SERPINB6: variants seen among roughly 807,000 people sequenced by gnomAD.
The protein encoded by SERPINB6 is serpin B6.
In SERPINB6, 16 loss-of-function variants were observed where a neutral mutation model predicts 26.1. That is an observed-to-expected ratio of 0.61 (90% CI 0.42 to 0.93). The LOEUF is 0.93. SERPINB6 is among the 40% of genes least tolerant of loss of function. The pLI is 0.00. For synonymous variants in SERPINB6, 174 were observed against 176.6 expected, an observed-to-expected ratio of 0.99 and a Z score of 0.11; for missense variants, 420 against 478.0, an observed-to-expected ratio of 0.88 and a Z score of 1.13.
intron 2 of SERPINB6, among the ~76,000 whole-genome samples, chr6:2,958,865 C>A (rs1469308341): frequency 1.3e-5 from 2 of 152,132 alleles, no homozygotes; most frequent in Non-Finnish European, 2.9e-5. Context: ...AAGATCATCA[C>A]AGGACTCAAC....
chr6:2,961,737 C>G lies in SERPINB6; in HGVS notation c.-10-2395G>C, dbSNP rs190067442. Among the ~76,000 whole-genome samples, 20 of 151,338 alleles carry G rather than the reference C, an allele frequency of 1.3e-4. No individual in the cohort carries two copies. The East Asian group carries it at 3.1e-3, about 24-fold the overall frequency. ...GGGCTCAGCCCACGTGGAGAGGCTGCCAGGTGAGATGGCTCCTCCATAAAC... is the reference window on the plus strand; with the variant it reads ...GGGCTCAGCCCACGTGGAGAGGCTGGCAGGTGAGATGGCTCCTCCATAAAC... On this transcript the variant is annotated intron_variant, in intron 1 of 6. Transcript: ENST00000380539.
rs1254814933 is a variant in SERPINB6 at position 2,961,950 on chromosome 6, G to T, written c.-10-2608C>A. 3.1e-6 allele frequency: 3 copies of T among 983,276 alleles called. No individual in the cohort carries two copies. The African/African-American group carries it at 5.3e-5, about 17-fold the overall frequency. 60.9% of individuals were successfully genotyped at this position (983,276 alleles called of 1,614,324 possible). On this transcript the variant is annotated intron_variant, in intron 1 of 6. Transcript: ENST00000380539. The stretch of plus-strand genomic sequence containing the variant: ...CACCTTGCCCAGGCTGCTCTCCAAC[G>T]CCTGGCCTCAAGTGATCTTCCTGCC...
intron 4 of SERPINB6, 98 bp from the exon 5 acceptor site, chr6:2,953,284 C>A: frequency 6.6e-7 from 1 of 1,517,872 alleles, no homozygotes; most frequent in East Asian, 2.3e-5. Context: ...CAGTCAAGTG[C>A]ACGGATAGAG....
intron 1 of SERPINB6, chr6:2,971,017 G>C: frequency 8.2e-7 from 1 of 1,216,230 alleles, no homozygotes; most frequent in Non-Finnish European, 1.0e-6. Context: ...TCCGCCTCCC[G>C]CCCGGCTCCT....
In SERPINB6 at chr6:2,959,449, C is replaced by G. The variant is rs1038525993; in HGVS notation, c.-10-107G>C. On this transcript the variant is annotated intron_variant, in intron 1 of 6. Coordinates refer to ENST00000380539, the MANE Select transcript of SERPINB6 (RefSeq NM_004568.6). ...CCGATGCTGTGGTTCAGTGGGCAAG[C>G]AGAAACACACACAGAACTCTGGCTG... 1.1e-5 allele frequency: 11 copies of G among 1,035,332 alleles called. No homozygotes were observed. In the African/African-American group the frequency reaches 1.7e-4, roughly 16 times the overall value. 64.1% of individuals were successfully genotyped at this position (1,035,332 alleles called of 1,614,324 possible).
intron 5 of SERPINB6, among the ~76,000 whole-genome samples, chr6:2,952,230 C>T (rs951504710): frequency 1.3e-5 from 2 of 152,162 alleles, no homozygotes; most frequent in African/African-American, 4.8e-5. Flanking sequence ...ATAATTCTTT[C>T]TGAATTGCGA....
chr6:2,962,370 G>C (rs1300158437), intron 1 of SERPINB6, among the ~76,000 whole-genome samples: 3 of 152,210 alleles, frequency 2.0e-5, no homozygotes, highest in African/African-American at 7.2e-5. Flanking sequence ...CTGAAACACT[G>C]AACTGGAGAA....
Position 2,969,766 on chromosome 6 carries a change from GTA to G in SERPINB6, c.-11+1765_-11+1766del, listed in dbSNP as rs914501091. 6.0e-4 allele frequency: 546 copies of G among 907,542 alleles called. 11 individuals carry two copies. In the Admixed American group the frequency reaches 0.05, roughly 83 times the overall value. 56.2% of individuals were successfully genotyped at this position (907,542 alleles called of 1,614,324 possible). A position where few individuals can be genotyped will look rare whatever the true frequency, so the allele number is the denominator to read the frequency against. ...GTCCCTCTGTTTCCTTGTGCAGTGT[GTA>G]TGTGTGTGTGTGTGTGTGTTGTGTG... On this transcript the variant is annotated intron_variant, in intron 1 of 6. Transcript: ENST00000380539.
intron 5 of SERPINB6, among the ~76,000 whole-genome samples, chr6:2,952,800 A>AGATGG (rs921153058): frequency 3.5e-4 from 54 of 152,264 alleles, no homozygotes; most frequent in African/African-American, 1.1e-3. Context: ...GTCCGCTAGA[A>AGATGG]GATGGCACGC....
intron 3 of SERPINB6, chr6:2,955,139 G>A (rs1393275566): frequency 2.5e-5 from 7 of 277,720 alleles, no homozygotes; most frequent in South Asian, 7.7e-5. Flanking sequence ...GCAGTAAGCC[G>A]AGATCAGGCC....
intron 2 of SERPINB6, chr6:2,957,207 A>C (rs1290184333): frequency 6.6e-6 from 1 of 152,446 alleles, no homozygotes; most frequent in Admixed American, 6.5e-5. Flanking sequence ...GGTCACCCTC[A>C]GTGACAGGGA....
intron 1 of SERPINB6, chr6:2,959,750 G>T: frequency 4.1e-6 from 1 of 243,920 alleles, no homozygotes. Context: ...TATTCAAAAT[G>T]ATACATTCAC....
chr6:2,949,133 G>A (rs1228499811), intron 5 of SERPINB6, 64 bp from the exon 6 acceptor site: 7 of 1,573,924 alleles, frequency 4.4e-6, no homozygotes, highest in Non-Finnish European at 5.2e-6. Flanking sequence ...GGACAAATGT[G>A]TCGGAGCTGG....
rs1429144768 is a variant in SERPINB6, at chr6:2,967,533, C to T, written c.-11+4000G>A. 2.0e-5 allele frequency: 3 copies of T among 151,846 alleles called. No homozygotes were observed. Among genetic ancestry groups the T allele is most frequent in the African/African-American group, 7.3e-5 (3 of 41,370 alleles). 9.4% of individuals were successfully genotyped at this position (151,846 alleles called of 1,614,324 possible). A position where few individuals can be genotyped will look rare whatever the true frequency, so the allele number is the denominator to read the frequency against. ...CCTACGGAATGGGAGAAAATATTCA[C>T]AAACTATGCATCTGACAAAGGTCAA... On this transcript the variant is annotated intron_variant, in intron 1 of 6. Transcript: ENST00000380539. The surrounding 1 kb of genome is among the most constrained non-coding windows in gnomAD (Gnocchi z 4.3).
Position 2,948,881 on chromosome 6 carries a change from G to A in SERPINB6, c.729+33C>T, listed in dbSNP as rs1561668720. 6.2e-7 allele frequency: 1 copy of A among 1,613,928 alleles called. No individual in the cohort carries two copies. The highest frequency in any genetic ancestry group is 1.7e-5 in the Admixed American group (1 of 60,032). On this transcript the variant is annotated intron_variant, in intron 6 of 6. Coordinates refer to ENST00000380539, the MANE Select transcript of SERPINB6 (RefSeq NM_004568.6). This position sits in a 1 kb window ranked among gnomAD's most constrained non-coding sequence, Gnocchi z 5.0. ...AGCAGACACCCCCGAGTGGCTCCTT[G>A]CTAGCACGCCTCGCTCACAGCTTAG...
At chr6:2,952,015 T>C (rs1042458979) in intron 5 of SERPINB6, among the ~76,000 whole-genome samples, 5 of 152,178 alleles carry the variant, frequency 3.3e-5, no homozygotes, top group Non-Finnish European at 7.3e-5. Context: ...ATCGCCCCAG[T>C]GCCAGACCAG....
intron 1 of SERPINB6, chr6:2,969,547 C>CT (rs557903030): frequency 2.0e-5 from 20 of 982,386 alleles, no homozygotes; most frequent in South Asian, 1.4e-4. Flanking sequence ...CCTGGCATCA[C>CT]TTTTTTTTTC....
intron 2 of SERPINB6, among the ~76,000 whole-genome samples, chr6:2,958,629 C>G (rs906875160): frequency 2.0e-5 from 3 of 152,276 alleles, no homozygotes; most frequent in Non-Finnish European, 4.4e-5. Flanking sequence ...GCTGACGCAG[C>G]CCACAAGGGA....
chr6:2,952,805 G>A (rs550197367), intron 5 of SERPINB6, among the ~76,000 whole-genome samples: 7 of 152,388 alleles, frequency 4.6e-5, no homozygotes, highest in Non-Finnish European at 8.8e-5. Context: ...CTAGAAGATG[G>A]CACGCCATAT....
Sources: allele counts gnomAD v4.1 joint callset (sites outside exome capture counted in the v4.1 genomes callset), GRCh38; gene constraint gnomAD v4.1.1; non-coding constraint Gnocchi (gnomAD v3.1); transcripts MANE v1.5; gene names NCBI Gene and HGNC (gene_info 2026-07-23, HGNC 2026-07-21).